The following HIPK2 variants were observed in gnomAD, a reference collection of about 807,000 sequenced individuals.
HIPK2 encodes the protein homeodomain-interacting protein kinase 2.
Under a neutral mutation model 113.7 loss-of-function variants are expected in HIPK2, and 27 were observed. The ratio of observed to expected loss-of-function variants is 0.24; its 90% CI spans 0.17 to 0.33. The LOEUF is 0.33. Ranked by LOEUF, HIPK2 falls within the 10% of genes least tolerant of loss-of-function variation. The probability of loss-of-function intolerance (pLI) is 1.00; values close to 1 mark genes in which losing one functional copy is unlikely to be tolerated. For synonymous variants in HIPK2, 631 were observed against 642.2 expected (o/e 0.98, Z 0.26); for missense variants, 1,257 against 1,588.0 (o/e 0.79, Z 3.54).
rs181476737 is a variant in HIPK2, at chr7:139,585,547, G to A, written c.2718-1483C>T. ...ACCTTGGAGTCAGCTGTCTAACTTC[G>A]GCATGTGCTGGTGACAGGGCGGTGG... On this transcript the variant is annotated intron_variant, in intron 12 of 14. Transcript: ENST00000406875. Among the ~76,000 whole-genome samples the A allele has an allele frequency of 4.9e-3, 753 of 152,310 alleles. 7 individuals are homozygous for A. Among genetic ancestry groups the A allele is most frequent in the African/African-American group, 0.017 (704 of 41,568 alleles).
In HIPK2 at chr7:139,710,389, T is replaced by C. The variant is rs150047632; in HGVS notation, c.1103+5543A>G. Among the ~76,000 whole-genome samples, 403 of 152,350 alleles carry C rather than the reference T, an allele frequency of 2.6e-3. 7 individuals are homozygous for C. The highest frequency in any genetic ancestry group is 0.02 in the Middle Eastern group (6 of 294). On this transcript the variant is annotated intron_variant, in intron 2 of 14. Coordinates refer to ENST00000406875, the MANE Select transcript of HIPK2 (RefSeq NM_022740.5). ...ATGTTAACTTCCCTGTTAACCCATC[T>C]GGCAAAATCTTTCACTGACTTTTAA...
At chr7:139,732,953 C>T (rs1477950419) in intron 1 of HIPK2, among the ~76,000 whole-genome samples, 5 of 151,626 alleles carry the variant, frequency 3.3e-5, no homozygotes, top group East Asian at 1.9e-4. Flanking sequence ...CTGGATCATG[C>T]GGGTGGTTTC....
At position 139,631,670 on chromosome 7, in the gene HIPK2, G is replaced by A; in HGVS notation, c.1159C>T (p.Leu387=). ...AACAATTCTGCAATAACACAGCCCA[G>A]GGACCACATGTCAATTGCCTCACAA... ...PFCEAIDMWS[L]GCVIAELFLG... The change falls in exon 3 of 15, where the codon CTG becomes TTG. Residue 387 remains leucine, a synonymous_variant. Transcript: ENST00000406875. This position sits in a 1 kb window ranked among gnomAD's most constrained non-coding sequence, Gnocchi z 4.9. 1 of 1,614,004 alleles carries A rather than the reference G, an allele frequency of 6.2e-7. No individual in the cohort carries two copies. The highest frequency in any genetic ancestry group is 8.5e-7 in the Non-Finnish European group (1 of 1,179,876).
At chr7:139,607,799 G>T (rs1039777833) in intron 9 of HIPK2, among the ~76,000 whole-genome samples, 1 of 152,122 alleles carries the variant, frequency 6.6e-6, no homozygotes, top group African/African-American at 2.4e-5. Context: ...GGGGATGGCA[G>T]TGGGTTAGAA....
intron 1 of HIPK2, among the ~76,000 whole-genome samples, chr7:139,761,127 A>G (rs150701376): frequency 7.1e-4 from 108 of 152,364 alleles, no homozygotes; most frequent in African/African-American, 2.5e-3. Context: ...AAGGGAAAGC[A>G]TTAGCACAGA....
At chr7:139,709,898 C>T (rs999329114) in intron 2 of HIPK2, among the ~76,000 whole-genome samples, 1 of 152,194 alleles carries the variant, frequency 6.6e-6, no homozygotes, top group Non-Finnish European at 1.5e-5. Flanking sequence ...AAGCTATTCC[C>T]TCTAAGTCAA....
Position 139,575,183 on chromosome 7 carries a change from C to G in HIPK2, c.3071G>C (p.Arg1024Pro). 2 of 1,591,516 alleles carry G rather than the reference C, an allele frequency of 1.3e-6. No homozygotes were observed. Among genetic ancestry groups the G allele is most frequent in the Non-Finnish European group, 1.7e-6 (2 of 1,169,386 alleles). Reference protein sequence around the residue: ...SGSSSGAITYRQQRPGPHFQQ... With the variant: ...SGSSSGAITYPQQRPGPHFQQ... ...GAAGTGGGGGCCCGGCCGCTGCTGCCGGTAGGTGATGGCTCCAGATGAGCT... is the reference window on the plus strand; with the variant it reads ...GAAGTGGGGGCCCGGCCGCTGCTGCGGGTAGGTGATGGCTCCAGATGAGCT... The change falls in exon 14 of 15, where the codon CGG becomes CCG. Residue 1024 changes from arginine (R) to proline (P), a missense_variant. By Grantham distance (103) the Arg-to-Pro change is moderately radical. Coordinates refer to ENST00000406875, the MANE Select transcript of HIPK2 (RefSeq NM_022740.5).
chr7:139,673,233 G>A (rs1344624382), intron 2 of HIPK2, among the ~76,000 whole-genome samples: 1 of 152,108 alleles, frequency 6.6e-6, no homozygotes, highest in Admixed American at 6.5e-5. Context: ...AACTGGGAAT[G>A]CAGAAGACAG....
chr7:139,622,395 C>T (rs191470903), intron 6 of HIPK2, among the ~76,000 whole-genome samples: 10 of 152,304 alleles, frequency 6.6e-5, no homozygotes, highest in African/African-American at 2.2e-4. Context: ...GTGGAGGCTG[C>T]AGCATAAAAC....
chr7:139,733,016 A>G (rs916443340), intron 1 of HIPK2, among the ~76,000 whole-genome samples: 1 of 151,760 alleles, frequency 6.6e-6, no homozygotes, highest in African/African-American at 2.4e-5. Context: ...AACGGGAGTG[A>G]GTTTTCTTGT....
chr7:139,643,311 T>G (rs1009742746), intron 2 of HIPK2, among the ~76,000 whole-genome samples: 1 of 152,120 alleles, frequency 6.6e-6, no homozygotes, highest in Admixed American at 6.6e-5. Context: ...CTGTATAATG[T>G]TAGAATCAGA....
At position 139,571,102 on chromosome 7, in the gene HIPK2, A is replaced by G. The variant is rs577665270; in HGVS notation, c.*1825T>C. 6.6e-6 allele frequency: 1 copy of G among 152,392 alleles called. No homozygotes were observed. Among genetic ancestry groups the G allele is most frequent in the African/African-American group, 2.4e-5 (1 of 41,574 alleles). 9.4% of individuals were successfully genotyped at this position (152,392 alleles called of 1,614,324 possible). A position where few individuals can be genotyped will look rare whatever the true frequency, so the allele number is the denominator to read the frequency against. Reference sequence around the variant, plus strand: ...CGGCCACCCTCATAAGTGTCCCTCCAACCTTCTGCCCACTAGAACCCTCAG... The same window carrying G: ...CGGCCACCCTCATAAGTGTCCCTCCGACCTTCTGCCCACTAGAACCCTCAG... On this transcript the variant is annotated 3_prime_UTR_variant, in exon 15 of 15. Coordinates refer to ENST00000406875, the MANE Select transcript of HIPK2 (RefSeq NM_022740.5).
intron 1 of HIPK2, among the ~76,000 whole-genome samples, chr7:139,745,950 A>T (rs987803089): frequency 6.6e-6 from 1 of 152,150 alleles, no homozygotes; most frequent in Admixed American, 6.5e-5. Flanking sequence ...GAGCTGGATG[A>T]CCTCGTGTAA....
intron 1 of HIPK2, among the ~76,000 whole-genome samples, chr7:139,728,168 C>G (rs1324285225): frequency 1.3e-5 from 2 of 151,898 alleles, no homozygotes. Flanking sequence ...GTCTCGAACT[C>G]CTGGGCTCAA....
intron 2 of HIPK2, among the ~76,000 whole-genome samples, chr7:139,635,608 T>C (rs1800783891): frequency 1.3e-5 from 2 of 151,896 alleles, no homozygotes; most frequent in Non-Finnish European, 2.9e-5. Flanking sequence ...CACGGTACCA[T>C]GATACGTGCC....
intron 2 of HIPK2, among the ~76,000 whole-genome samples, chr7:139,688,048 C>A (rs1794280657): frequency 6.6e-6 from 1 of 152,220 alleles, no homozygotes; most frequent in African/African-American, 2.4e-5. Flanking sequence ...GTCACCCCAA[C>A]TCACACAGGC....
intron 2 of HIPK2, among the ~76,000 whole-genome samples, chr7:139,638,656 C>CTTTTTTTTTT (rs1184555180): frequency 7.7e-6 from 1 of 130,260 alleles, no homozygotes; most frequent in African/African-American, 3.0e-5. Context: ...AAATAATTGT[C>CTTTTTTTTTT]TTTTTTTTTT....
At position 139,563,498 on chromosome 7, in the gene HIPK2, G is replaced by GAGAGCAGAGGC. The variant is rs1290753083; in HGVS notation, c.*9418_*9428dup. The GAGAGCAGAGGC allele has an allele frequency of 5.4e-6, 1 of 186,066 alleles. No individual in the cohort carries two copies. Among genetic ancestry groups the GAGAGCAGAGGC allele is most frequent in the Non-Finnish European group, 1.1e-5 (1 of 90,950 alleles). The allele number at this position is 186,066 out of a possible 1,614,324, so 11.5% of individuals were successfully genotyped here. Reference sequence around the variant, plus strand: ...GGAGATTGGTTACAAGGAAGCGAGGGAGAGCAGAGGCAGAGCCCTTTTTCA... The same window carrying GAGAGCAGAGGC: ...GGAGATTGGTTACAAGGAAGCGAGGGAGAGCAGAGGCAGAGCAGAGGCAGAGCCCTTTTTCA... On this transcript the variant is annotated 3_prime_UTR_variant, in exon 15 of 15. Coordinates refer to ENST00000406875, the MANE Select transcript of HIPK2 (RefSeq NM_022740.5).
intron 2 of HIPK2, among the ~76,000 whole-genome samples, chr7:139,710,091 A>T (rs1183975450): frequency 6.6e-6 from 1 of 151,984 alleles, no homozygotes; most frequent in Admixed American, 6.5e-5. Context: ...TTGCCATTCC[A>T]ATTGATTTAT....
Sources: gnomAD v4.1 joint callset for allele counts (sites outside exome capture counted in the v4.1 genomes callset) on GRCh38, gnomAD v4.1.1 for gene constraint, Gnocchi (gnomAD v3.1) non-coding constraint, MANE v1.5 for transcripts, NCBI Gene and HGNC (gene_info 2026-07-23, HGNC 2026-07-21) for gene names.